The following KCNK9 variants were observed in gnomAD, a reference collection of about 807,000 sequenced individuals.
KCNK9 encodes the protein potassium two pore domain channel subfamily K member 9.
A neutral mutation model predicts 10.8 loss-of-function variants in KCNK9; 1 was observed. The ratio of observed to expected loss-of-function variants is 0.09; its 90% CI spans 0.03 to 0.44. The LOEUF is 0.44. Among genes scored for constraint, KCNK9 ranks in the 20% least tolerant of loss-of-function variants. KCNK9 has a pLI of 0.97. For synonymous variants in KCNK9, 231 were observed against 222.7 expected, an observed-to-expected ratio of 1.04 and a Z score of -0.33; for missense variants, 303 against 515.0, an observed-to-expected ratio of 0.59 and a Z score of 3.98.
chr8:139,608,228 C>G (rs1438334717), downstream of KCNK9, among the ~76,000 whole-genome samples: 2 of 152,168 alleles, frequency 1.3e-5, no homozygotes, highest in Non-Finnish European at 2.9e-5. Flanking sequence ...AGGGCAAGTC[C>G]TGCCTCCCCA....
intron 1 of KCNK9, among the ~76,000 whole-genome samples, chr8:139,685,876 T>G (rs1227943382): frequency 6.6e-6 from 1 of 152,206 alleles, no homozygotes; most frequent in East Asian, 1.9e-4. Context: ...CTACAATGGT[T>G]GAACTAATTT....
rs1054546774 is a variant in KCNK9 at position 139,617,868 on chromosome 8, C to A, written c.*390G>T. ...TAAGGGTAGGCGATTGAAGGCTGAG[C>A]GTGATGTGCAGCTTTGGGGTGGGTA... On this transcript the variant is annotated 3_prime_UTR_variant, in exon 2 of 2. Transcript: ENST00000520439. The A allele has an allele frequency of 6.7e-5, 20 of 299,838 alleles. No homozygotes were observed. The highest frequency in any genetic ancestry group is 4.4e-4 in the African/African-American group (20 of 45,534). 18.6% of individuals were successfully genotyped at this position (299,838 alleles called of 1,614,324 possible).
intron 1 of KCNK9, among the ~76,000 whole-genome samples, chr8:139,667,244 G>T (rs1023887271): frequency 6.6e-6 from 1 of 152,238 alleles, no homozygotes; most frequent in Non-Finnish European, 1.5e-5. Context: ...GCTGGCCTTA[G>T]CTCCATCCTT....
intron 1 of KCNK9, among the ~76,000 whole-genome samples, chr8:139,672,742 C>T (rs113028303): frequency 6.8e-4 from 104 of 152,326 alleles, no homozygotes; most frequent in African/African-American, 2.5e-3. Context: ...TGTTTCCTCT[C>T]CAGAGACAGG....
chr8:139,688,700 T>A (rs1340117252), intron 1 of KCNK9, among the ~76,000 whole-genome samples: 2 of 152,232 alleles, frequency 1.3e-5, no homozygotes, highest in Non-Finnish European at 2.9e-5. Flanking sequence ...ATGGTCAGAT[T>A]TTGATAGGTA....
In KCNK9 at chr8:139,644,814, C is replaced by T. The variant is rs542428593; in HGVS notation, c.284-25715G>A. Among the ~76,000 whole-genome samples, 7 of 152,250 alleles carry T rather than the reference C, an allele frequency of 4.6e-5. No homozygotes were observed. The East Asian group carries it at 7.7e-4, about 17-fold the overall frequency. On this transcript the variant is annotated intron_variant, in intron 1 of 1. Transcript: ENST00000520439. ...GGCACTGACCGGGCTTCAGGGCCAC[C>T]TCCGCTGGGCCCCGGCACTGCCAGC...
At chr8:139,627,298 C>T (rs561981707) in intron 1 of KCNK9, among the ~76,000 whole-genome samples, 4 of 152,262 alleles carry the variant, frequency 2.6e-5, no homozygotes, top group Non-Finnish European at 4.4e-5. Context: ...TAACACAACC[C>T]CTATTTCTAC....
chr8:139,627,065 G>A (rs1479384207), intron 1 of KCNK9, among the ~76,000 whole-genome samples: 6 of 152,154 alleles, frequency 3.9e-5, no homozygotes, highest in African/African-American at 1.4e-4. Flanking sequence ...GGAATCAGTG[G>A]GTCCCAAAGT....
chr8:139,643,176 A>G (rs1451743445), intron 1 of KCNK9, among the ~76,000 whole-genome samples: 1 of 152,112 alleles, frequency 6.6e-6, no homozygotes, highest in Non-Finnish European at 1.5e-5. Flanking sequence ...TCACTGCCCC[A>G]CAAAGCAGGG....
chr8:139,680,047 C>T (rs556427742), intron 1 of KCNK9, among the ~76,000 whole-genome samples: 3 of 152,306 alleles, frequency 2.0e-5, no homozygotes, highest in Middle Eastern at 3.4e-3. Flanking sequence ...GCTCCCACCC[C>T]GACCAGGTCT....
intron 1 of KCNK9, among the ~76,000 whole-genome samples, chr8:139,696,086 G>A (rs1485109457): frequency 1.3e-5 from 2 of 152,148 alleles, no homozygotes; most frequent in Non-Finnish European, 1.5e-5. Context: ...GCCCCTTGAA[G>A]AGAAGCCATC....
At chr8:139,688,435 C>T (rs903915600) in intron 1 of KCNK9, among the ~76,000 whole-genome samples, 1 of 152,184 alleles carries the variant, frequency 6.6e-6, no homozygotes, top group Non-Finnish European at 1.5e-5. Flanking sequence ...AGAGTGAGTG[C>T]AAGAACGAGG....
At chr8:139,629,677 A>AG (rs923879283) in intron 1 of KCNK9, among the ~76,000 whole-genome samples, 6 of 150,080 alleles carry the variant, frequency 4.0e-5, no homozygotes, top group African/African-American at 1.5e-4. Context: ...CCACAATGAA[A>AG]GGGGGGGAAG....
intron 1 of KCNK9, among the ~76,000 whole-genome samples, chr8:139,676,429 C>G (rs1453221061): frequency 6.6e-6 from 1 of 152,186 alleles, no homozygotes; most frequent in Admixed American, 6.5e-5. Context: ...CCAGCTGGGG[C>G]TGGTACAGTG....
intron 2 of KCNK9, among the ~76,000 whole-genome samples, chr8:139,602,856 CT>C (rs967562975): frequency 6.6e-6 from 1 of 152,236 alleles, no homozygotes; most frequent in African/African-American, 2.4e-5. Flanking sequence ...GGATTTTCCA[CT>C]TGCAGAAAGG....
chr8:139,684,133 C>A (rs1228856018), intron 1 of KCNK9, among the ~76,000 whole-genome samples: 1 of 152,190 alleles, frequency 6.6e-6, no homozygotes, highest in East Asian at 1.9e-4. Flanking sequence ...GACATCCCAC[C>A]CAGACATGCC....
chr8:139,647,605 T>C (rs1177768004), intron 1 of KCNK9, among the ~76,000 whole-genome samples: 1 of 152,062 alleles, frequency 6.6e-6, no homozygotes, highest in Non-Finnish European at 1.5e-5. Flanking sequence ...GCTGGCCAGA[T>C]GGAGGAGGGC....
rs146902159 is a variant in KCNK9 at position 139,678,009 on chromosome 8, C to A, written c.283+24701G>T. 2.5e-3 allele frequency among the ~76,000 whole-genome samples: 373 copies of A among 149,178 alleles called. 10 individuals carry two copies. The highest frequency in any genetic ancestry group is 8.8e-3 in the African/African-American group (341 of 38,690). On this transcript the variant is annotated intron_variant, in intron 1 of 1. Transcript: ENST00000520439. ...CCAGCCCAACAGGTCCCCACGGCTG[C>A]AGAGTAATACCTCGCATCCCAGCCC...
chr8:139,642,782 T>C (rs2014267), intron 1 of KCNK9, among the ~76,000 whole-genome samples: 134,441 of 152,276 alleles, frequency 0.88, 60,335 homozygotes, highest in Non-Finnish European at 0.97. Context: ...TTGTGTGGCT[T>C]CATCTAAAGC....
Sources: allele counts gnomAD v4.1 joint callset (sites outside exome capture counted in the v4.1 genomes callset), GRCh38; gene constraint gnomAD v4.1.1; transcripts MANE v1.5; gene names NCBI Gene and HGNC (gene_info 2026-07-23, HGNC 2026-07-21).